The following SLC35A4 variants were observed in gnomAD, a reference collection of about 807,000 sequenced individuals.
SLC35A4 encodes probable UDP-sugar transporter protein SLC35A4.
A neutral mutation model predicts 18.8 loss-of-function variants in SLC35A4; 9 were observed. The ratio of observed to expected loss-of-function variants is 0.48; its 90% confidence interval spans 0.29 to 0.83. SLC35A4 has a LOEUF of 0.83. Among genes scored for constraint, SLC35A4 ranks in the 40% least tolerant of loss-of-function variants. The pLI, the probability that SLC35A4 is intolerant of heterozygous loss-of-function variation, is 0.09. For synonymous variants in SLC35A4, 189 were observed against 191.9 expected (o/e 0.98, Z 0.13); for missense variants, 404 against 415.5 (o/e 0.97, Z 0.24).
chr5:140,565,247 AT>A (rs1755157615), intron 1 of SLC35A4: 1 of 219,404 alleles, frequency 4.6e-6, no homozygotes, highest in South Asian at 1.8e-4. Context: ...TACATTCTGA[AT>A]TTCATACTTA....
chr5:140,566,768 G>A lies in SLC35A4; in HGVS notation c.-402G>A. The stretch of plus-strand genomic sequence containing the variant: ...TACGCAAGGGGCCCGACTAGCTCTA[G>A]GTGCCATGGAAGAGGCAGGATGAGC... On this transcript the variant is annotated 5_prime_UTR_variant, in exon 3 of 3. Transcript: ENST00000323146. The A allele has an allele frequency of 3.3e-6, 2 of 599,554 alleles. No homozygotes were observed. Among genetic ancestry groups the A allele is most frequent in the Non-Finnish European group, 5.9e-6 (2 of 336,982 alleles). 37.1% of individuals were successfully genotyped at this position (599,554 alleles called of 1,614,324 possible). A position where few individuals can be genotyped will look rare whatever the true frequency, so the allele number is the denominator to read the frequency against.
chr5:140,567,421 C>T lies in SLC35A4; in HGVS notation c.252C>T (p.Arg84=). ...QAWPQGPPPW[R]QAAPFALSAL... ...GGCCCCAGGGGCCCCCACCCTGGCG[C>T]CAGGCTGCTCCCTTCGCACTATCAG... Residue 84 remains arginine (R), a synonymous_variant, in exon 3 of 3, where the codon CGC becomes CGT. Coordinates refer to ENST00000323146, the MANE Select transcript of SLC35A4 (RefSeq NM_080670.4). 2 of 1,614,150 alleles carry T rather than the reference C, an allele frequency of 1.2e-6. No homozygotes were observed. The highest frequency in any genetic ancestry group is 1.7e-6 in the Non-Finnish European group (2 of 1,180,036).
Position 140,568,859 on chromosome 5 carries a change from A to G in SLC35A4, c.*715A>G, listed in dbSNP as rs1015543227. On this transcript the variant is annotated 3_prime_UTR_variant, in exon 3 of 3. Transcript: ENST00000323146. ...ACTCCTGACCTCTCTGTTCACCCTG[A>G]GGGCTGTCTTGAAGCCCGCTACCCA... is the stretch of plus-strand genomic sequence containing the variant. 6.0e-6 allele frequency: 1 copy of G among 167,132 alleles called. No homozygotes were observed. Among genetic ancestry groups the G allele is most frequent in the Non-Finnish European group, 1.5e-5 (1 of 68,170 alleles). 10.4% of individuals were successfully genotyped at this position (167,132 alleles called of 1,614,324 possible).
chr5:140,566,027 G>T (rs138934250), intron 2 of SLC35A4, 56 bp downstream of exon 2: 1 of 398,660 alleles, frequency 2.5e-6, no homozygotes, highest in East Asian at 3.6e-5. Context: ...ACATGCTCTT[G>T]AGAGTGTTAA....
Position 140,568,549 on chromosome 5 carries a change from G to A in SLC35A4, c.*405G>A, listed in dbSNP as rs549697886. The A allele has an allele frequency of 6.0e-5, 16 of 264,542 alleles. No individual in the cohort carries two copies. The highest frequency in any genetic ancestry group is 1.0e-4 in the Non-Finnish European group (13 of 126,498). 16.4% of individuals were successfully genotyped at this position (264,542 alleles called of 1,614,324 possible). A position where few individuals can be genotyped will look rare whatever the true frequency, so the allele number is the denominator to read the frequency against. On this transcript the variant is annotated 3_prime_UTR_variant, in exon 3 of 3. Transcript: ENST00000323146. ...TTGCCTACTTTAGTCACCCAGCAGA[G>A]CCACTGGAGCTGGCTAGTCCAGCCC...
rs1462059461 is a variant in SLC35A4 at position 140,565,212 on chromosome 5, A to G, written c.-705+354A>G. On this transcript the variant is annotated intron_variant, in intron 1 of 2. Coordinates refer to ENST00000323146, the MANE Select transcript of SLC35A4 (RefSeq NM_080670.4). ...TTCCAATCACACGGACACTCACACC[A>G]CCCTCATTCAAACACTCCTTTGCAT... is the stretch of plus-strand genomic sequence containing the variant. 15 of 293,116 alleles carry G rather than the reference A, an allele frequency of 5.1e-5. No homozygotes were observed. In the Admixed American group the frequency reaches 7.7e-4, roughly 15 times the overall value. The allele number at this position is 293,116 out of a possible 1,614,324, so 18.2% of individuals were successfully genotyped here.
Position 140,568,547 on chromosome 5 carries a change from G to T in SLC35A4, c.*403G>T. The T allele has an allele frequency of 3.8e-6, 1 of 266,382 alleles. No individual in the cohort carries two copies. The highest frequency in any genetic ancestry group is 7.8e-6 in the Non-Finnish European group (1 of 127,544). The allele number at this position is 266,382 out of a possible 1,614,324, so 16.5% of individuals were successfully genotyped here. On this transcript the variant is annotated 3_prime_UTR_variant, in exon 3 of 3. Transcript: ENST00000323146. ...CCTTGCCTACTTTAGTCACCCAGCA[G>T]AGCCACTGGAGCTGGCTAGTCCAGC...
intron 1 of SLC35A4, chr5:140,565,141 A>C (rs1191414340): frequency 2.7e-6 from 1 of 377,070 alleles, no homozygotes; most frequent in African/African-American, 2.1e-5. Flanking sequence ...TCCTCACTTT[A>C]CCCCATTCCC....
chr5:140,566,790 G>T lies in SLC35A4; in HGVS notation c.-380G>T. The T allele has an allele frequency of 1.7e-6, 1 of 599,588 alleles. No individual in the cohort carries two copies. The highest frequency in any genetic ancestry group is 2.0e-5 in the South Asian group (1 of 49,978). 37.1% of individuals were successfully genotyped at this position (599,588 alleles called of 1,614,324 possible). ...CTAGGTGCCATGGAAGAGGCAGGAT[G>T]AGCAGCTCAGCCTTCAGGTGGAGAC... is the stretch of plus-strand genomic sequence containing the variant. On this transcript the variant is annotated 5_prime_UTR_variant, in exon 3 of 3. It removes an upstream start codon present in the reference 5' UTR. Coordinates refer to ENST00000323146, the MANE Select transcript of SLC35A4 (RefSeq NM_080670.4).
Position 140,568,041 on chromosome 5 carries a change from C to G in SLC35A4, c.872C>G (p.Ala291Gly), listed in dbSNP as rs989304947. Reference sequence around the variant, plus strand: ...GTGTCCTGCTCGCTGGTGGTCAACGCCGTGCTCTCAGCAGTCCTGCTACGG... The same window carrying G: ...GTGTCCTGCTCGCTGGTGGTCAACGGCGTGCTCTCAGCAGTCCTGCTACGG... Reference protein sequence around the residue: ...FVVSCSLVVNAVLSAVLLRLQ... With the variant: ...FVVSCSLVVNGVLSAVLLRLQ... Residue 291 changes from alanine to glycine, a missense_variant, in exon 3 of 3, where the codon GCC becomes GGC. By Grantham distance (60) the Ala-to-Gly change is moderately conservative. Transcript: ENST00000323146. The G allele has an allele frequency of 2.5e-6, 4 of 1,614,026 alleles. No homozygotes were observed. The highest frequency in any genetic ancestry group is 3.4e-6 in the Non-Finnish European group (4 of 1,180,006).
In SLC35A4 at chr5:140,568,804, T is replaced by C. The variant is rs1387316018; in HGVS notation, c.*660T>C. 1 of 167,630 alleles carries C rather than the reference T, an allele frequency of 6.0e-6. No homozygotes were observed. Among genetic ancestry groups the C allele is most frequent in the Non-Finnish European group, 1.5e-5 (1 of 68,524 alleles). 10.4% of individuals were successfully genotyped at this position (167,630 alleles called of 1,614,324 possible). A position where few individuals can be genotyped will look rare whatever the true frequency, so the allele number is the denominator to read the frequency against. ...GCTGGGCTTGACTCATCTCAGGGAA[T>C]GTAGCCCCTGGGCCCTGGCTTAAGC... On this transcript the variant is annotated 3_prime_UTR_variant, in exon 3 of 3. Transcript: ENST00000323146.
At position 140,567,124 on chromosome 5, in the gene SLC35A4, G is replaced by A. The variant is rs1215017221; in HGVS notation, c.-46G>A. On this transcript the variant is annotated 5_prime_UTR_variant, in exon 3 of 3. Coordinates refer to ENST00000323146, the MANE Select transcript of SLC35A4 (RefSeq NM_080670.4). ...CCATAACTTGATTTTCCCCAAACGTGTTGCAATCCCTGCTGCCCCTTAGCC... is the reference window on the plus strand; with the variant it reads ...CCATAACTTGATTTTCCCCAAACGTATTGCAATCCCTGCTGCCCCTTAGCC... The A allele has an allele frequency of 5.0e-6, 8 of 1,613,672 alleles. No individual in the cohort carries two copies. In the Admixed American group the frequency reaches 1.2e-4, roughly 24 times the overall value.
At position 140,567,767 on chromosome 5, in the gene SLC35A4, G is replaced by C. The variant is rs375249486; in HGVS notation, c.598G>C (p.Gly200Arg). 1.9e-6 allele frequency: 3 copies of C among 1,613,986 alleles called. No individual in the cohort carries two copies. Among genetic ancestry groups the C allele is most frequent in the Non-Finnish European group, 2.5e-6 (3 of 1,180,054 alleles). The change falls in exon 3 of 3, where the codon GGC becomes CGC. Residue 200 changes from glycine (G) to arginine (R), a missense_variant. Coordinates refer to ENST00000323146, the MANE Select transcript of SLC35A4 (RefSeq NM_080670.4). The part of the protein sequence containing the change: ...LLLILYCLIS[G>R]LSSVYTELLM... ...CCTCATTCTGTACTGCCTCATCTCA[G>C]GCTTGTCGTCAGTGTACACAGAGCT... is the stretch of plus-strand genomic sequence containing the variant.
Position 140,564,902 on chromosome 5 carries a change from C to T in SLC35A4, c.-705+44C>T. 2.5e-6 allele frequency: 1 copy of T among 403,836 alleles called. No homozygotes were observed. Among genetic ancestry groups the T allele is most frequent in the Non-Finnish European group, 4.4e-6 (1 of 228,802 alleles). 25.0% of individuals were successfully genotyped at this position (403,836 alleles called of 1,614,324 possible). On this transcript the variant is annotated intron_variant, in intron 1 of 2. Coordinates refer to ENST00000323146, the MANE Select transcript of SLC35A4 (RefSeq NM_080670.4). This position sits in a 1 kb window ranked among gnomAD's most constrained non-coding sequence, Gnocchi z 5.0. ...GATCTGCAGCCGGGCGTGGTCTTCA[C>T]TCTCCTTGACCTTTTTAGTTCCGGG...
Position 140,567,317 on chromosome 5 carries a change from CCCT to C in SLC35A4, c.153_155del (p.Ser52del), listed in dbSNP as rs768193153. 21 of 1,614,066 alleles carry C rather than the reference CCCT, an allele frequency of 1.3e-5. No individual in the cohort carries two copies. Among genetic ancestry groups the C allele is most frequent in the African/African-American group, 2.7e-5 (2 of 74,940 alleles). On this transcript the variant is annotated inframe_deletion, in exon 3 of 3. Coordinates refer to ENST00000323146, the MANE Select transcript of SLC35A4 (RefSeq NM_080670.4). Reference sequence around the variant, plus strand: ...TGTGGACGGCCGAGTGCCCTTCCGGCCCTCCTCAGCCGTGCTGCTGACTGAGCT... The same window carrying C: ...TGTGGACGGCCGAGTGCCCTTCCGGCCCTCAGCCGTGCTGCTGACTGAGCT...
Position 140,568,132 on chromosome 5 carries a change from T to C in SLC35A4, c.963T>C (p.Tyr321=). 1.2e-6 allele frequency: 2 copies of C among 1,613,222 alleles called. No homozygotes were observed. The highest frequency in any genetic ancestry group is 1.6e-4 in the Middle Eastern group (1 of 6,062). The change falls in exon 3 of 3, where the codon TAT becomes TAC. Residue 321 remains tyrosine (Y), a synonymous_variant. Transcript: ENST00000323146. ...LLIGLAMRLY[Y]GSR is the part of the protein sequence containing the mutation. ...TTGGCCTGGCCATGCGCCTGTACTA[T>C]GGCAGCCGCTAGTCCCTGACAACTT... is the stretch of plus-strand genomic sequence containing the variant.
chr5:140,567,884 G>A lies in SLC35A4; in HGVS notation c.715G>A (p.Gly239Ser), dbSNP rs150973817. ...VLLNLGLHAG[G>S]GSGPGLLEGF... ...TCTGAATCTAGGTCTGCATGCTGGC[G>A]GCGGCTCTGGCCCAGGCCTCCTGGA... Residue 239 changes from glycine (G) to serine (S), a missense_variant, in exon 3 of 3, where the codon GGC becomes AGC. By Grantham distance (56) the Gly-to-Ser change is moderately conservative. Transcript: ENST00000323146. The A allele has an allele frequency of 1.4e-4, 234 of 1,614,064 alleles. No individual in the cohort carries two copies. Among genetic ancestry groups the A allele is most frequent in the Non-Finnish European group, 1.9e-4 (226 of 1,180,036 alleles).
At position 140,567,850 on chromosome 5, in the gene SLC35A4, T is replaced by C. The variant is rs568354110; in HGVS notation, c.681T>C (p.Phe227=). 3.7e-6 allele frequency: 6 copies of C among 1,614,180 alleles called. No individual in the cohort carries two copies. The African/African-American group carries it at 8.0e-5, about 22-fold the overall frequency. The part of the protein sequence containing the change: ...LALQNLFLYT[F]GVLLNLGLHA... ...TTCAGAACCTCTTCCTCTACACTTTTGGTGTGCTTCTGAATCTAGGTCTGC... is the reference window on the plus strand; with the variant it reads ...TTCAGAACCTCTTCCTCTACACTTTCGGTGTGCTTCTGAATCTAGGTCTGC... Residue 227 remains phenylalanine, a synonymous_variant, in exon 3 of 3, where the codon TTT becomes TTC. Transcript: ENST00000323146.
rs1370699767 is a variant in SLC35A4, at chr5:140,565,970, A to G, written c.-607A>G. On this transcript the variant is annotated splice_region_variant and 5_prime_UTR_variant, in exon 2 of 3. Transcript: ENST00000323146. ...GACGAAGTCAACAGTGGAGTGGGCC[A>G]GGTAAGGACTGTCCCACCCCACCCC... 2.3e-5 allele frequency: 9 copies of G among 398,844 alleles called. No individual in the cohort carries two copies. Among genetic ancestry groups the G allele is most frequent in the Non-Finnish European group, 3.5e-5 (8 of 226,054 alleles). The allele number at this position is 398,844 out of a possible 1,614,324, so 24.7% of individuals were successfully genotyped here.
Sources: allele counts gnomAD v4.1 joint callset, GRCh38; gene constraint gnomAD v4.1.1; non-coding constraint Gnocchi (gnomAD v3.1); transcripts MANE v1.5; gene names NCBI Gene and HGNC (gene_info 2026-07-23, HGNC 2026-07-21).